The following MSN variants were observed in gnomAD, a reference collection of about 807,000 sequenced individuals.
MSN encodes the protein epididymis luminal protein 70.
Under a neutral mutation model 48.0 loss-of-function variants are expected in MSN, and 2 were observed. The ratio of observed to expected loss-of-function variants is 0.04; its 90% confidence interval spans 0.02 to 0.13. The LOEUF is 0.13. MSN is among the 10% of genes least tolerant of loss of function. The probability of loss-of-function intolerance (pLI) is 1.00; values close to 1 mark genes in which losing one functional copy is unlikely to be tolerated. For missense variants in MSN, 267 were observed against 470.1 expected (o/e 0.57, Z 3.99); for synonymous variants, 146 against 166.9 (o/e 0.87, Z 0.97).
chrX:65,700,325 AG>A (rs1349943629), intron 1 of MSN, among the ~76,000 whole-genome samples: 2 of 111,787 alleles, frequency 1.8e-5, no homozygotes, highest in Non-Finnish European at 3.8e-5. Context: ...TCTAGAGCCC[AG>A]GGTTTCTGTC....
At chrX:65,660,248 C>A (rs1328900119) in intron 1 of MSN, among the ~76,000 whole-genome samples, 3 of 111,665 alleles carry the variant, frequency 2.7e-5, no homozygotes, top group Non-Finnish European at 5.6e-5. Flanking sequence ...TGGCTCTAGC[C>A]CTCAAAATTT....
intron 1 of MSN, among the ~76,000 whole-genome samples, chrX:65,610,302 T>C (rs1296089157): frequency 8.9e-6 from 1 of 112,315 alleles, no homozygotes; most frequent in Non-Finnish European, 1.9e-5. Flanking sequence ...TAATCTACTT[T>C]CTGTCTGTAT....
chrX:65,637,441 T>C, intron 1 of MSN, among the ~76,000 whole-genome samples: 1 of 107,494 alleles, frequency 9.3e-6, no homozygotes. Flanking sequence ...AAAAGAAAAG[T>C]AAAACTCTTT....
intron 2 of MSN, among the ~76,000 whole-genome samples, chrX:65,726,626 CAT>C (rs1491517749): frequency 4.5e-5 from 5 of 110,136 alleles, no homozygotes; most frequent in Non-Finnish European, 7.6e-5. Flanking sequence ...TGTGTGTGTG[CAT>C]GTGTGTGTGT....
intron 11 of MSN, 145 bp from the exon 12 acceptor site, chrX:65,738,825 T>G (rs1401462539): frequency 1.6e-6 from 1 of 635,415 alleles, no homozygotes; most frequent in African/African-American, 2.2e-5. Flanking sequence ...TCTTGTTTTA[T>G]GGATGAAGAA....
At chrX:65,705,584 C>T (rs1028527471) in intron 1 of MSN, among the ~76,000 whole-genome samples, 3 of 112,229 alleles carry the variant, frequency 2.7e-5, no homozygotes, top group Non-Finnish European at 3.8e-5. Flanking sequence ...GCTGGATTAA[C>T]GAAGAAACTA....
intron 1 of MSN, among the ~76,000 whole-genome samples, chrX:65,621,146 A>G (rs2070440643): frequency 9.0e-6 from 1 of 111,018 alleles, no homozygotes; most frequent in South Asian, 3.8e-4. Flanking sequence ...CAATCTCCTG[A>G]TCTTGTGATC....
At chrX:65,627,255 T>C (rs1055648737) in intron 1 of MSN, among the ~76,000 whole-genome samples, 2 of 110,069 alleles carry the variant, frequency 1.8e-5, no homozygotes, top group East Asian at 5.7e-4. Flanking sequence ...TATGTATTAG[T>C]CCATATGTAT....
At chrX:65,690,502 TGGGCGTGAGC>T (rs2071162030) in intron 1 of MSN, among the ~76,000 whole-genome samples, 3 of 111,786 alleles carry the variant, frequency 2.7e-5, no homozygotes, top group Middle Eastern at 4.6e-3. Context: ...GTTCACCGTC[TGGGCGTGAGC>T]AGACCAGTGG....
chrX:65,589,254 G>C (rs1281362554), intron 1 of MSN, among the ~76,000 whole-genome samples: 1 of 93,988 alleles, frequency 1.1e-5, no homozygotes, highest in South Asian at 6.2e-4. Context: ...AAGATTAAGA[G>C]ACACCCCATT....
chrX:65,710,550 T>G (rs1200463228), intron 1 of MSN, among the ~76,000 whole-genome samples: 1 of 111,330 alleles, frequency 9.0e-6, no homozygotes, highest in Non-Finnish European at 1.9e-5. Context: ...ATTTGTTCAA[T>G]TATAATGTAG....
chrX:65,691,120 A>C (rs1281341219), intron 1 of MSN, among the ~76,000 whole-genome samples: 2 of 111,549 alleles, frequency 1.8e-5, no homozygotes, highest in Non-Finnish European at 3.8e-5. Flanking sequence ...GGGTGGATAT[A>C]GTACACACTT....
intron 1 of MSN, among the ~76,000 whole-genome samples, chrX:65,609,666 G>T (rs749649425): frequency 9.0e-6 from 1 of 111,569 alleles, no homozygotes; most frequent in Non-Finnish European, 1.9e-5. Flanking sequence ...GGCGGATAAT[G>T]AGGTCAGGAG....
chrX:65,630,015 CA>C (rs941260558), intron 1 of MSN, among the ~76,000 whole-genome samples: 1 of 110,420 alleles, frequency 9.1e-6, no homozygotes, highest in Admixed American at 9.6e-5. Context: ...TCTGTCTCTA[CA>C]AAAAATACAA....
intron 1 of MSN, among the ~76,000 whole-genome samples, chrX:65,698,426 T>C (rs745624399): frequency 5.0e-4 from 56 of 111,493 alleles, no homozygotes; most frequent in African/African-American, 1.5e-3. Context: ...CTAAGCTTTA[T>C]TGGGGAGCTG....
chrX:65,697,006 G>C (rs1030369742), intron 1 of MSN, among the ~76,000 whole-genome samples: 4 of 110,989 alleles, frequency 3.6e-5, no homozygotes, highest in African/African-American at 1.3e-4. Context: ...AAGGCTGTGA[G>C]CTAATGGCTG....
intron 1 of MSN, among the ~76,000 whole-genome samples, chrX:65,606,553 G>C (rs1183125208): frequency 8.9e-6 from 1 of 112,143 alleles, no homozygotes; most frequent in African/African-American, 3.2e-5. Flanking sequence ...TTCCTGGGTA[G>C]CTGGGACTAC....
chrX:65,626,097 G>T (rs1244747905), intron 1 of MSN, among the ~76,000 whole-genome samples: 1 of 109,870 alleles, frequency 9.1e-6, no homozygotes, highest in Non-Finnish European at 1.9e-5. Flanking sequence ...TGGGACTACA[G>T]GCATCCACCA....
intron 2 of MSN, among the ~76,000 whole-genome samples, chrX:65,717,196 T>A (rs1281809412): frequency 8.9e-6 from 1 of 112,033 alleles, no homozygotes; most frequent in Non-Finnish European, 1.9e-5. Flanking sequence ...GCCTTCCTTT[T>A]AACTCTGAAA....
Sources: allele counts gnomAD v4.1 joint callset (sites outside exome capture counted in the v4.1 genomes callset), GRCh38; gene constraint gnomAD v4.1.1; transcripts MANE v1.5; gene names NCBI Gene and HGNC (gene_info 2026-07-23, HGNC 2026-07-21).